RELL1: variants seen among roughly 807,000 people sequenced by gnomAD.
RELL1 encodes RELT-like protein 1.
A neutral mutation model predicts 23.0 loss-of-function variants in RELL1; 10 were observed. The ratio of observed to expected loss-of-function variants is 0.43; its 90% CI spans 0.27 to 0.74. The LOEUF is 0.74. Among genes scored for constraint, RELL1 ranks in the 30% least tolerant of loss-of-function variants. RELL1 has a pLI of 0.19. For synonymous variants in RELL1, 146 were observed against 146.8 expected, an observed-to-expected ratio of 0.99 and a Z score of 0.04; for missense variants, 315 against 364.4, an observed-to-expected ratio of 0.86 and a Z score of 1.10.
intron 1 of RELL1, among the ~76,000 whole-genome samples, chr4:37,672,463 T>C (rs949262822): frequency 6.6e-6 from 1 of 151,872 alleles, no homozygotes; most frequent in East Asian, 1.9e-4. Flanking sequence ...AAGTCAAGAG[T>C]CTTTACTCAC....
intron 1 of RELL1, among the ~76,000 whole-genome samples, chr4:37,668,507 T>G (rs1721625382): frequency 6.6e-6 from 1 of 151,914 alleles, no homozygotes; most frequent in African/African-American, 2.4e-5. Flanking sequence ...CGGAGTCTCC[T>G]TCACTCAGTG....
chr4:37,660,900 G>A (rs552798385), intron 1 of RELL1, among the ~76,000 whole-genome samples: 19 of 152,074 alleles, frequency 1.2e-4, no homozygotes, highest in Admixed American at 2.6e-4. Flanking sequence ...GCATGGTGGC[G>A]GGCGCCTGTT....
At chr4:37,650,888 G>A (rs1166536916) in intron 1 of RELL1, among the ~76,000 whole-genome samples, 4 of 151,642 alleles carry the variant, frequency 2.6e-5, no homozygotes, top group African/African-American at 4.8e-5. Flanking sequence ...GTGAAACCCC[G>A]TCTCCACTAA....
At chr4:37,642,434 G>A (rs73807876) in intron 3 of RELL1, among the ~76,000 whole-genome samples, 138 of 152,336 alleles carry the variant, frequency 9.1e-4, no homozygotes, top group African/African-American at 3.2e-3. Flanking sequence ...ACACGATTCA[G>A]TTCGGCTCTA....
chr4:37,680,154 C>T (rs996660344), intron 1 of RELL1, among the ~76,000 whole-genome samples: 7 of 152,086 alleles, frequency 4.6e-5, no homozygotes, highest in African/African-American at 1.7e-4. Flanking sequence ...CAAATTAAAA[C>T]AATCAAGGTA....
intron 1 of RELL1, among the ~76,000 whole-genome samples, chr4:37,658,669 C>T (rs144617023): frequency 6.0e-4 from 91 of 152,312 alleles, no homozygotes; most frequent in African/African-American, 1.7e-3. Flanking sequence ...ACGTAAAACA[C>T]GACTTGTAAG....
rs1301959215 is a variant in RELL1, at chr4:37,647,130, G to T, written c.385+238C>A. Among the ~76,000 whole-genome samples the T allele has an allele frequency of 2.6e-5, 4 of 152,312 alleles. No individual in the cohort carries two copies. The East Asian group carries it at 7.7e-4, about 29-fold the overall frequency. On this transcript the variant is annotated intron_variant, in intron 3 of 6. Transcript: ENST00000454158. ...CACAACCAGTAAGCAGTGAGGCCAG[G>T]ATTTGAACACCAGCTGACAGCGCCT...
At position 37,686,201 on chromosome 4, in the gene RELL1, C is replaced by G; in HGVS notation, c.87G>C (p.Pro29=). 7 of 1,579,728 alleles carry G rather than the reference C, an allele frequency of 4.4e-6. No individual in the cohort carries two copies. The highest frequency in any genetic ancestry group is 3.3e-4 in the Middle Eastern group (2 of 5,978). Residue 29 remains proline (P), a splice_region_variant and synonymous_variant, in exon 1 of 7, where the codon CCG becomes CCC. Transcript: ENST00000454158. ...GGAVSSPLVA[P]DNGSSRTLHS... is the part of the protein sequence containing the mutation. ...CCCCGGCTACGACCGGACACTCACC[C>G]GGAGCCACCAGCGGCGAACTCACGG...
At chr4:37,599,024 G>C (rs1252289485) in intron 6 of RELL1, among the ~76,000 whole-genome samples, 1 of 152,124 alleles carries the variant, frequency 6.6e-6, no homozygotes, top group East Asian at 1.9e-4. Flanking sequence ...ATGCCTCTCT[G>C]TGGCAACATC....
chr4:37,653,608 G>T (rs1378144457), intron 1 of RELL1, among the ~76,000 whole-genome samples: 1 of 152,006 alleles, frequency 6.6e-6, no homozygotes, highest in Non-Finnish European at 1.5e-5. Context: ...ATACTTTTTG[G>T]TTTCCAGCTT....
chr4:37,632,345 AT>A (rs148942729), intron 5 of RELL1, among the ~76,000 whole-genome samples: 26,808 of 151,592 alleles, frequency 0.18, 3,324 homozygotes, highest in East Asian at 0.33. Flanking sequence ...CTAATTTTGT[AT>A]TTTTAGTAGA....
chr4:37,661,460 A>G (rs894212770), intron 1 of RELL1, among the ~76,000 whole-genome samples: 1 of 152,102 alleles, frequency 6.6e-6, no homozygotes, highest in Non-Finnish European at 1.5e-5. Context: ...TTTGTATTTT[A>G]GTAGAGACGG....
chr4:37,629,744 T>C (rs1308415670), intron 6 of RELL1, among the ~76,000 whole-genome samples: 1 of 152,210 alleles, frequency 6.6e-6, no homozygotes, highest in Admixed American at 6.5e-5. Flanking sequence ...CACAGAGTTG[T>C]TCCAGATTGC....
intron 6 of RELL1, among the ~76,000 whole-genome samples, chr4:37,621,987 A>G (rs1355720620): frequency 2.0e-5 from 3 of 152,248 alleles, no homozygotes; most frequent in Non-Finnish European, 4.4e-5. Flanking sequence ...GGTCCACTCA[A>G]AAACTCCCAG....
intron 3 of RELL1, among the ~76,000 whole-genome samples, chr4:37,644,680 G>A (rs1299148914): frequency 8.6e-5 from 13 of 151,672 alleles, no homozygotes; most frequent in Non-Finnish European, 1.5e-4. Flanking sequence ...GGCTGGTCTC[G>A]AACTCCTGAC....
At chr4:37,639,337 T>G (rs1720440616) in intron 3 of RELL1, among the ~76,000 whole-genome samples, 1 of 125,218 alleles carries the variant, frequency 8.0e-6, no homozygotes, top group Non-Finnish European at 1.5e-5. Flanking sequence ...TGAGCAGACA[T>G]CACGCCACTG....
chr4:37,621,587 C>A (rs182680423), intron 6 of RELL1, among the ~76,000 whole-genome samples: 25 of 152,230 alleles, frequency 1.6e-4, no homozygotes, highest in African/African-American at 5.8e-4. Context: ...TTCCGCTTCC[C>A]TCAAGCCCCC....
downstream of RELL1, among the ~76,000 whole-genome samples, chr4:37,605,723 CAG>C (rs1026116908): frequency 1.4e-5 from 2 of 145,164 alleles, no homozygotes; most frequent in African/African-American, 5.2e-5. Context: ...GCCTGGGCGA[CAG>C]AGTGAGACTT....
intron 1 of RELL1, among the ~76,000 whole-genome samples, chr4:37,683,807 C>T (rs1187628722): frequency 2.0e-5 from 3 of 151,396 alleles, no homozygotes; most frequent in Admixed American, 2.0e-4. Flanking sequence ...TGCGGCCGGG[C>T]GCGGTGGCTC....
Sources: allele counts gnomAD v4.1 joint callset (sites outside exome capture counted in the v4.1 genomes callset), GRCh38; gene constraint gnomAD v4.1.1; transcripts MANE v1.5; gene names NCBI Gene and HGNC (gene_info 2026-07-23, HGNC 2026-07-21).